CHST11: variants seen among roughly 807,000 people sequenced by gnomAD.
CHST11 encodes the protein carbohydrate sulfotransferase 11.
In CHST11, 9 loss-of-function variants were observed where a neutral mutation model predicts 30.4. The ratio of observed to expected loss-of-function variants is 0.30; its 90% CI spans 0.18 to 0.52. The LOEUF (loss-of-function observed/expected upper bound fraction) is 0.52. Among genes scored for constraint, CHST11 ranks in the 20% least tolerant of loss-of-function variants. The pLI is 0.97. For missense variants in CHST11, 348 were observed against 460.6 expected (o/e 0.76, Z 2.24); for synonymous variants, 152 against 187.8 (o/e 0.81, Z 1.56).
intron 1 of CHST11, among the ~76,000 whole-genome samples, chr12:104,544,137 AAAAAGAAAGAAAG>A (rs1427972549): frequency 1.9e-4 from 7 of 37,660 alleles, no homozygotes; most frequent in African/African-American, 5.3e-4. Context: ...AAAAAAAAAA[AAAAAGAAAGAAAG>A]AAAGAAAGAA....
intron 1 of CHST11, among the ~76,000 whole-genome samples, chr12:104,491,443 C>CTCTTCTTCTTCTTCTTCTTCTTCTTCT (rs147243817): frequency 3.0e-4 from 46 of 151,618 alleles, no homozygotes; most frequent in African/African-American, 1.1e-3. Flanking sequence ...TTACCTTAGT[C>CTCTTCTTCTTCTTCTTCTTCTTCTTCT]TCTTCTTCTT....
chr12:104,524,068 T>C (rs529888959), intron 1 of CHST11, among the ~76,000 whole-genome samples: 21 of 147,962 alleles, frequency 1.4e-4, no homozygotes, highest in African/African-American at 5.0e-4. Flanking sequence ...GCCTCTCAAT[T>C]GGAGTCATAT....
In CHST11 at chr12:104,721,750, A is replaced by G. The variant is rs1226874984; in HGVS notation, c.205-35199A>G. Among the ~76,000 whole-genome samples, 6 of 152,344 alleles carry G rather than the reference A, an allele frequency of 3.9e-5. No homozygotes were observed. The South Asian group carries it at 1.2e-3, about 32-fold the overall frequency. On this transcript the variant is annotated intron_variant, in intron 2 of 2. Coordinates refer to ENST00000303694, the MANE Select transcript of CHST11 (RefSeq NM_018413.6). The stretch of plus-strand genomic sequence containing the variant: ...AGATCGTTTCACTGAAAGAACCACT[A>G]TAAATACTCCATGATAAGTCAGATT...
chr12:104,750,979 G>A (rs997856541), intron 2 of CHST11, among the ~76,000 whole-genome samples: 1 of 152,146 alleles, frequency 6.6e-6, no homozygotes, highest in African/African-American at 2.4e-5. Context: ...CTTCCTGAGG[G>A]GAAACTGTGT....
intron 1 of CHST11, among the ~76,000 whole-genome samples, chr12:104,560,949 A>G (rs905839855): frequency 6.6e-6 from 1 of 152,206 alleles, no homozygotes; most frequent in African/African-American, 2.4e-5. Context: ...TCTGCAACAG[A>G]AGTGTCACAT....
At chr12:104,641,961 T>C (rs1164857) in intron 2 of CHST11, among the ~76,000 whole-genome samples, 71,247 of 152,016 alleles carry the variant, frequency 0.47, 16,726 homozygotes, top group Non-Finnish European at 0.49. Context: ...CATCCGAAGA[T>C]AGTTTTGATT....
chr12:104,460,150 A>G (rs1201961674), intron 1 of CHST11, among the ~76,000 whole-genome samples: 4 of 152,218 alleles, frequency 2.6e-5, no homozygotes, highest in East Asian at 1.9e-4. Context: ...GGGGGTAAGG[A>G]GAGCTGATCC....
chr12:104,580,825 C>G (rs181891509), intron 1 of CHST11, among the ~76,000 whole-genome samples: 1 of 152,288 alleles, frequency 6.6e-6, no homozygotes, highest in East Asian at 1.9e-4. Flanking sequence ...CTCCTGGCCT[C>G]AAGCAATCCT....
At chr12:104,577,868 AAG>A (rs2136029295) in intron 1 of CHST11, among the ~76,000 whole-genome samples, 1 of 152,300 alleles carries the variant, frequency 6.6e-6, no homozygotes, top group South Asian at 2.1e-4. Flanking sequence ...GTGTCAACAA[AAG>A]ATCTGTAGAC....
At chr12:104,521,065 G>C (rs527282278) in intron 1 of CHST11, among the ~76,000 whole-genome samples, 33 of 152,294 alleles carry the variant, frequency 2.2e-4, no homozygotes, top group Admixed American at 2.0e-3. Context: ...ATAAGGATAA[G>C]GATAATAGTT....
Position 104,691,799 on chromosome 12 carries a change from T to C in CHST11, c.205-65150T>C, listed in dbSNP as rs376942573. 9.1e-4 allele frequency among the ~76,000 whole-genome samples: 139 copies of C among 152,230 alleles called. 3 individuals are homozygous for C. The South Asian group carries it at 0.027, about 29-fold the overall frequency. On this transcript the variant is annotated intron_variant, in intron 2 of 2. Coordinates refer to ENST00000303694, the MANE Select transcript of CHST11 (RefSeq NM_018413.6). ...CACCGCCCCCAGCCTAGAGGCACAA[T>C]TTAACACAGGTATTGTCACCTAAGG...
chr12:104,749,480 G>A (rs2040413619), intron 2 of CHST11, among the ~76,000 whole-genome samples: 1 of 152,162 alleles, frequency 6.6e-6, no homozygotes, highest in African/African-American at 2.4e-5. Flanking sequence ...CAAGAAGAGG[G>A]GAGAGAAAGG....
chr12:104,748,387 C>T (rs1169672435), intron 2 of CHST11, among the ~76,000 whole-genome samples: 1 of 152,148 alleles, frequency 6.6e-6, no homozygotes, highest in Non-Finnish European at 1.5e-5. Context: ...GTTGAATTCT[C>T]AACACCCAGG....
chr12:104,672,382 G>A (rs988493881), intron 2 of CHST11, among the ~76,000 whole-genome samples: 3 of 152,208 alleles, frequency 2.0e-5, no homozygotes, highest in African/African-American at 7.2e-5. Context: ...GAAAGGAGCA[G>A]ATAGCTCCAG....
chr12:104,594,363 C>A (rs1442770660), intron 1 of CHST11, among the ~76,000 whole-genome samples: 2 of 152,192 alleles, frequency 1.3e-5, no homozygotes, highest in Non-Finnish European at 2.9e-5. Flanking sequence ...AATGAAATCT[C>A]ACAGAGATAG....
At chr12:104,463,003 A>G (rs765283804) in intron 1 of CHST11, among the ~76,000 whole-genome samples, 2 of 152,120 alleles carry the variant, frequency 1.3e-5, no homozygotes, top group African/African-American at 2.4e-5. Flanking sequence ...CCGTGGGGTG[A>G]GGGGTGAGGG....
chr12:104,559,806 G>A (rs1437846878), intron 1 of CHST11, among the ~76,000 whole-genome samples: 1 of 152,108 alleles, frequency 6.6e-6, no homozygotes, highest in African/African-American at 2.4e-5. Context: ...ACATAATTTG[G>A]GGTAATGAAG....
intron 2 of CHST11, among the ~76,000 whole-genome samples, chr12:104,639,374 G>A (rs184012960): frequency 6.6e-6 from 1 of 152,306 alleles, no homozygotes; most frequent in East Asian, 1.9e-4. Context: ...CCATAAGCTT[G>A]TGAATGGATA....
At chr12:104,548,352 G>A (rs6539160) in intron 1 of CHST11, among the ~76,000 whole-genome samples, 1 of 151,940 alleles carries the variant, frequency 6.6e-6, no homozygotes, top group Admixed American at 6.6e-5. Flanking sequence ...CCAATTTCCA[G>A]GGTGTAAATA....
Sources: gnomAD v4.1 joint callset for allele counts (sites outside exome capture counted in the v4.1 genomes callset) on GRCh38, gnomAD v4.1.1 for gene constraint, MANE v1.5 for transcripts, NCBI Gene and HGNC (gene_info 2026-07-23, HGNC 2026-07-21) for gene names.